Variants in AKR1D1 observed in about 807,000 individuals in gnomAD.
AKR1D1 encodes the protein aldo-keto reductase family 1 member D1, also known as delta(4)-3-ketosteroid 5-beta-reductase.
A neutral mutation model predicts 42.6 loss-of-function variants in AKR1D1; 32 were observed. The ratio of observed to expected loss-of-function variants is 0.75; its 90% CI spans 0.57 to 1.01. AKR1D1 has a LOEUF of 1.01. Ranked by LOEUF, AKR1D1 falls within the 50% of genes least tolerant of loss-of-function variation. AKR1D1 has a pLI of 0.00. For synonymous variants in AKR1D1, 123 were observed against 135.5 expected (o/e 0.91, Z 0.64); for missense variants, 364 against 402.2 (o/e 0.91, Z 0.81).
intron 3 of AKR1D1, among the ~76,000 whole-genome samples, chr7:138,093,548 C>G (rs1214499252): frequency 6.6e-6 from 1 of 152,130 alleles, no homozygotes; most frequent in East Asian, 1.9e-4. Flanking sequence ...ACGTCCACAT[C>G]TCGTCCCACT....
intron 6 of AKR1D1, 67 bp from the exon 7 acceptor site, chr7:138,107,348 G>A: frequency 6.5e-7 from 1 of 1,530,358 alleles, no homozygotes; most frequent in South Asian, 1.1e-5. Context: ...AGAGGAGGAG[G>A]ATGGTTTATT....
In AKR1D1 at chr7:138,100,699, C is replaced by CTTTTTTT. The variant is rs749956421; in HGVS notation, c.456+2773_456+2779dup. Reference sequence around the variant, plus strand: ...AAATCCACATTTATAGTCAGAGATTCTTTTTTTTTTTTTTTTTTTTTTTGA... The same window carrying CTTTTTTT: ...AAATCCACATTTATAGTCAGAGATTCTTTTTTTTTTTTTTTTTTTTTTTTTTTTTTGA... On this transcript the variant is annotated intron_variant, in intron 4 of 8. Coordinates refer to ENST00000242375, the MANE Select transcript of AKR1D1 (RefSeq NM_005989.4). Among the ~76,000 whole-genome samples the CTTTTTTT allele has an allele frequency of 1.1e-3, 95 of 88,394 alleles. 2 individuals are homozygous for CTTTTTTT. The highest frequency in any genetic ancestry group is 3.4e-3 in the African/African-American group (74 of 21,980). The allele number at this position is 88,394 out of a possible 152,430, so 58.0% of individuals were successfully genotyped here. A position where few individuals can be genotyped will look rare whatever the true frequency, so the allele number is the denominator to read the frequency against.
intron 7 of AKR1D1, among the ~76,000 whole-genome samples, chr7:138,112,771 A>C (rs1794559843): frequency 6.6e-6 from 1 of 151,342 alleles, no homozygotes; most frequent in South Asian, 2.1e-4. Context: ...AAGATAAAAT[A>C]ATAAAGAGAA....
At chr7:138,089,928 T>C (rs970813445) in intron 2 of AKR1D1, among the ~76,000 whole-genome samples, 8 of 152,274 alleles carry the variant, frequency 5.3e-5, no homozygotes, top group African/African-American at 1.9e-4. Context: ...ATTGGCTGAG[T>C]TGCCTAGCAT....
chr7:138,102,901 C>A (rs892317792), intron 4 of AKR1D1, among the ~76,000 whole-genome samples: 8 of 151,992 alleles, frequency 5.3e-5, no homozygotes, highest in African/African-American at 1.9e-4. Flanking sequence ...CAGACATTCT[C>A]AAATACTACA....
intron 1 of AKR1D1, among the ~76,000 whole-genome samples, chr7:138,080,380 T>A (rs74471558): frequency 0.015 from 2,259 of 152,304 alleles, 66 homozygotes; most frequent in African/African-American, 0.051. Context: ...CAATGATCCA[T>A]GCTGACTGCT....
intron 3 of AKR1D1, among the ~76,000 whole-genome samples, chr7:138,094,822 A>T (rs1794153872): frequency 6.6e-6 from 1 of 152,202 alleles, no homozygotes; most frequent in Non-Finnish European, 1.5e-5. Flanking sequence ...ACCTGACTTC[A>T]CATGCTTTTT....
chr7:138,106,561 C>T, intron 5 of AKR1D1, 47 bp from the exon 6 acceptor site: 1 of 1,445,362 alleles, frequency 6.9e-7, no homozygotes, highest in Non-Finnish European at 9.7e-7. Flanking sequence ...TTGCATTCAA[C>T]AACGTGGCCT....
At chr7:138,094,472 G>A (rs996720324) in intron 3 of AKR1D1, among the ~76,000 whole-genome samples, 9 of 151,922 alleles carry the variant, frequency 5.9e-5, no homozygotes, top group East Asian at 1.9e-4. Flanking sequence ...CCAAGATTGC[G>A]CCACTGCACT....
chr7:138,114,547 C>A (rs1371726004), intron 8 of AKR1D1, among the ~76,000 whole-genome samples: 1 of 151,062 alleles, frequency 6.6e-6, no homozygotes, highest in Non-Finnish European at 1.5e-5. Context: ...GTAATTCCAG[C>A]TACTCAGGAG....
At chr7:138,104,110 C>T (rs1331978822) in intron 4 of AKR1D1, among the ~76,000 whole-genome samples, 1 of 152,030 alleles carries the variant, frequency 6.6e-6, no homozygotes, top group Non-Finnish European at 1.5e-5. Context: ...AGCACTCCAG[C>T]CTGGGTGACA....
intron 7 of AKR1D1, among the ~76,000 whole-genome samples, chr7:138,113,218 A>C (rs1159376432): frequency 6.6e-6 from 1 of 152,020 alleles, no homozygotes; most frequent in Admixed American, 6.6e-5. Flanking sequence ...TGGGAAACTG[A>C]GGCATGAGAC....
rs1047231653 is a variant in AKR1D1, at chr7:138,111,975, T to C, written c.856-1715T>C. 6.6e-5 allele frequency among the ~76,000 whole-genome samples: 10 copies of C among 152,310 alleles called. No individual in the cohort carries two copies. In the East Asian group the frequency reaches 1.4e-3, roughly 21 times the overall value. ...GGCTTTATCTGAAGGAGATTTTTAA[T>C]TCTTTAATTTTTTTTTCAAGTCACA... On this transcript the variant is annotated intron_variant, in intron 7 of 8. Transcript: ENST00000242375.
At chr7:138,114,814 T>G (rs1008922220) in intron 8 of AKR1D1, among the ~76,000 whole-genome samples, 1 of 152,134 alleles carries the variant, frequency 6.6e-6, no homozygotes, top group Admixed American at 6.6e-5. Flanking sequence ...CACCTGAATA[T>G]TCATCTTCAT....
chr7:138,100,088 C>CAAAAAAAAAAAAAAAAAAAAAA (rs59361346), intron 4 of AKR1D1, among the ~76,000 whole-genome samples: 13 of 43,566 alleles, frequency 3.0e-4, no homozygotes, highest in Non-Finnish European at 3.8e-4. Context: ...GATTTCATCT[C>CAAAAAAAAAAAAAAAAAAAAAA]AAAAAAAAAA....
intron 8 of AKR1D1, among the ~76,000 whole-genome samples, chr7:138,116,077 C>A (rs1794627284): frequency 6.6e-6 from 1 of 152,062 alleles, no homozygotes; most frequent in Non-Finnish European, 1.5e-5. Flanking sequence ...ACTTGGGAGG[C>A]TGAGGCAGGA....
chr7:138,097,976 C>T (rs375826385), intron 4 of AKR1D1, 33 bp downstream of exon 4: 188 of 1,475,268 alleles, frequency 1.3e-4, no homozygotes, highest in Admixed American at 4.5e-4. Flanking sequence ...TTTTAAAAGA[C>T]GATATTTTTA....
intron 1 of AKR1D1, among the ~76,000 whole-genome samples, chr7:138,077,715 G>A (rs1460903829): frequency 6.6e-6 from 1 of 152,186 alleles, no homozygotes; most frequent in Admixed American, 6.5e-5. Flanking sequence ...GAGTGGTCAT[G>A]TATGAATGAA....
At chr7:138,091,695 C>A in intron 2 of AKR1D1, 73 bp from the exon 3 acceptor site, 1 of 1,203,954 alleles carries the variant, frequency 8.3e-7, no homozygotes, top group Non-Finnish European at 1.2e-6. Context: ...GAGTGTTTTA[C>A]AAAGAAAAAG....
Sources: allele counts gnomAD v4.1 joint callset (sites outside exome capture counted in the v4.1 genomes callset), GRCh38; gene constraint gnomAD v4.1.1; transcripts MANE v1.5; gene names NCBI Gene and HGNC (gene_info 2026-07-23, HGNC 2026-07-21).